The following NCKAP1 variants were observed in gnomAD, a reference collection of about 807,000 sequenced individuals.
NCKAP1 encodes the protein nck-associated protein 1.
In NCKAP1, 21 loss-of-function variants were observed where a neutral mutation model predicts 151.2. That is an observed-to-expected ratio of 0.14 (90% CI 0.10 to 0.20). The LOEUF (loss-of-function observed/expected upper bound fraction) is 0.20. Ranked by LOEUF, NCKAP1 falls within the 10% of genes least tolerant of loss-of-function variation. The pLI is 1.00. For synonymous variants in NCKAP1, 484 were observed against 451.8 expected (o/e 1.07, Z -0.90); for missense variants, 933 against 1,352.1 (o/e 0.69, Z 4.86).
Position 183,023,816 on chromosome 2 carries a change from C to T in NCKAP1, c.209G>A (p.Arg70His), listed in dbSNP as rs1698839369. 4 of 1,607,376 alleles carry T rather than the reference C, an allele frequency of 2.5e-6. No homozygotes were observed. Among genetic ancestry groups the T allele is most frequent in the African/African-American group, 1.3e-5 (1 of 74,630 alleles). Residue 70 changes from arginine (R) to histidine (H), a missense_variant, in exon 2 of 31, where the codon CGC (arginine) becomes CAC (histidine). Arg to His is a conservative substitution (Grantham distance 29). Around this residue, in one of 2 missense-constraint regions of NCKAP1, gnomAD observed 607 missense variants for 795.0 expected, o/e 0.76. Transcript: ENST00000361354. Reference protein sequence around the residue: ...IVRKFPAVETRNNNQQLAQLQ... With the variant: ...IVRKFPAVETHNNNQQLAQLQ... Reference sequence around the variant, plus strand: ...ATTTAGATAACTTACATTGTTGTTGCGGGTTTCTACAGCAGGGAATTTTCT... The same window carrying T: ...ATTTAGATAACTTACATTGTTGTTGTGGGTTTCTACAGCAGGGAATTTTCT...
At chr2:183,003,128 A>G in intron 3 of NCKAP1, 98 bp from the exon 4 acceptor site, 1 of 1,307,334 alleles carries the variant, frequency 7.6e-7, no homozygotes, top group Admixed American at 2.3e-5. Flanking sequence ...TCAGTTCTGG[A>G]AGAATTTCAA....
chr2:183,034,964 G>GC (rs1433290796), intron 1 of NCKAP1, among the ~76,000 whole-genome samples: 1 of 152,120 alleles, frequency 6.6e-6, no homozygotes, highest in Non-Finnish European at 1.5e-5. Flanking sequence ...AGATTGGAAT[G>GC]CAAGTCTCTT....
At chr2:182,970,467 A>T (rs1160783543) in intron 15 of NCKAP1, among the ~76,000 whole-genome samples, 1 of 152,254 alleles carries the variant, frequency 6.6e-6, no homozygotes, top group Non-Finnish European at 1.5e-5. Flanking sequence ...ACAAAACTGT[A>T]TAATTTTAAT....
Position 182,967,450 on chromosome 2 carries a change from G to GATA in NCKAP1, c.1483-92_1483-90dup, listed in dbSNP as rs1417471151. On this transcript the variant is annotated intron_variant, in intron 15 of 30. Transcript: ENST00000361354. ...TACAGGGGGAAAAGCATCACTGAAA[G>GATA]ATACTTAAACTATCTACTGTGACAC... The GATA allele has an allele frequency of 1.0e-5, 12 of 1,206,016 alleles. No individual in the cohort carries two copies. The African/African-American group carries it at 1.7e-4, about 17-fold the overall frequency. 74.7% of individuals were successfully genotyped at this position (1,206,016 alleles called of 1,614,324 possible).
chr2:183,037,979 G>C lies in NCKAP1; in HGVS notation c.108+13C>G. ...CGCCCGCCTCCGCCGCGGCCTCCCC[G>C]GCCCGTGCGCACCTTCTTGATGTTG... is the stretch of plus-strand genomic sequence containing the variant. On this transcript the variant is annotated intron_variant, in intron 1 of 30. Coordinates refer to ENST00000361354, the MANE Select transcript of NCKAP1 (RefSeq NM_013436.5). 3 of 1,569,548 alleles carry C rather than the reference G, an allele frequency of 1.9e-6. No individual in the cohort carries two copies. In the South Asian group the frequency reaches 3.4e-5, roughly 18 times the overall value.
intron 6 of NCKAP1, among the ~76,000 whole-genome samples, chr2:182,998,260 A>G (rs1371474450): frequency 2.0e-5 from 3 of 152,132 alleles, no homozygotes; most frequent in Admixed American, 2.0e-4. Context: ...TAAGAACTGG[A>G]ACAAGACAAG....
intron 15 of NCKAP1, 146 bp from the exon 16 acceptor site, chr2:182,967,507 T>C (rs1291589613): frequency 1.6e-5 from 11 of 697,984 alleles, no homozygotes; most frequent in Non-Finnish European, 2.6e-5. Context: ...TAGTTGTCTG[T>C]AGTGACCCTA....
chr2:183,024,026 G>C, intron 1 of NCKAP1, 110 bp from the exon 2 acceptor site: 1 of 861,742 alleles, frequency 1.2e-6, no homozygotes, highest in South Asian at 1.6e-5. Flanking sequence ...TTGGTGAGCA[G>C]GTGATAAAAT....
intron 15 of NCKAP1, among the ~76,000 whole-genome samples, chr2:182,971,837 T>G (rs1340065391): frequency 6.6e-6 from 1 of 152,140 alleles, no homozygotes; most frequent in African/African-American, 2.4e-5. Context: ...CAATAAATTG[T>G]GCTGAGAAAA....
chr2:182,963,771 G>GA (rs552377798), intron 17 of NCKAP1, among the ~76,000 whole-genome samples: 34 of 152,052 alleles, frequency 2.2e-4, no homozygotes, highest in Admixed American at 1.8e-3. Flanking sequence ...AAGTTTGGGA[G>GA]AAAAAAATCT....
intron 14 of NCKAP1, among the ~76,000 whole-genome samples, chr2:182,977,335 C>T (rs1021867342): frequency 4.0e-5 from 6 of 151,864 alleles, no homozygotes; most frequent in Admixed American, 2.6e-4. Flanking sequence ...ACTAAAAATA[C>T]AAAAATTAGC....
At chr2:182,948,467 A>G (rs1697151143) in intron 23 of NCKAP1, among the ~76,000 whole-genome samples, 1 of 152,202 alleles carries the variant, frequency 6.6e-6, no homozygotes. Flanking sequence ...ACTCCAAAAT[A>G]TAAGAGAGAA....
chr2:182,983,400 A>G lies in NCKAP1; in HGVS notation c.1005-18T>C. On this transcript the variant is annotated intron_variant, in intron 10 of 30. Transcript: ENST00000361354. ...TTGAACCACTATGGGGAAAGACACC[A>G]TAATAGTTTATCTGCTTCTACTAAA... The G allele has an allele frequency of 1.3e-6, 2 of 1,524,944 alleles. No homozygotes were observed. The highest frequency in any genetic ancestry group is 2.2e-5 in the East Asian group (1 of 44,450). The allele number at this position is 1,524,944 out of a possible 1,614,324, so 94.5% of individuals were successfully genotyped here. A position where few individuals can be genotyped will look rare whatever the true frequency, so the allele number is the denominator to read the frequency against.
intron 19 of NCKAP1, chr2:182,957,231 A>C: frequency 2.5e-6 from 1 of 405,626 alleles, no homozygotes; most frequent in Non-Finnish European, 4.2e-6. Context: ...TAGTATAAAA[A>C]GACAAATATC....
chr2:182,924,905 T>G lies in NCKAP1; in HGVS notation c.*797A>C. On this transcript the variant is annotated 3_prime_UTR_variant, in exon 31 of 31. Coordinates refer to ENST00000361354, the MANE Select transcript of NCKAP1 (RefSeq NM_013436.5). Reference sequence around the variant, plus strand: ...ATCGAAGTGTGATACAGTCTAGTGTTTATTTTATGTTATGGCAGGTACACT... The same window carrying G: ...ATCGAAGTGTGATACAGTCTAGTGTGTATTTTATGTTATGGCAGGTACACT... 1 of 152,004 alleles carries G rather than the reference T, an allele frequency of 6.6e-6. No individual in the cohort carries two copies. The highest frequency in any genetic ancestry group is 2.4e-5 in the African/African-American group (1 of 41,326). The allele number at this position is 152,004 out of a possible 1,614,324, so 9.4% of individuals were successfully genotyped here. A position where few individuals can be genotyped will look rare whatever the true frequency, so the allele number is the denominator to read the frequency against.
chr2:182,942,699 C>T (rs72886553), intron 23 of NCKAP1, among the ~76,000 whole-genome samples: 3,731 of 151,794 alleles, frequency 0.025, 73 homozygotes, highest in Non-Finnish European at 0.039. Context: ...CTATCTACTC[C>T]TCTTTCACAG....
Position 182,964,804 on chromosome 2 carries a change from A to T in NCKAP1, c.1633T>A (p.Tyr545Asn). 6.3e-7 allele frequency: 1 copy of T among 1,596,398 alleles called. No homozygotes were observed. Among genetic ancestry groups the T allele is most frequent in the Non-Finnish European group, 8.5e-7 (1 of 1,172,442 alleles). Residue 545 changes from tyrosine (Y) to asparagine (N), a missense_variant, in exon 17 of 31, where the codon TAT (tyrosine) becomes AAT (asparagine). Tyr to Asn is a moderately radical substitution (Grantham distance 143, BLOSUM62 -2). Transcript: ENST00000361354. The part of the protein sequence containing the change: ...ETSDLSIFCF[Y>N]SRAFEKMFQQ... The stretch of plus-strand genomic sequence containing the variant: ...AACATCTTCTCAAAAGCACGACTAT[A>T]AAAACTATATAAACAAAAATCAGAA...
At chr2:183,021,482 G>A (rs574233280) in intron 2 of NCKAP1, among the ~76,000 whole-genome samples, 46 of 152,188 alleles carry the variant, frequency 3.0e-4, no homozygotes, top group Admixed American at 9.8e-4. Context: ...ATGGTGGTGC[G>A]CACCTGTGGC....
At position 182,910,953 on chromosome 2, in the gene NCKAP1, C is replaced by T. The variant is rs971552679; in HGVS notation, c.*14749G>A. The T allele has an allele frequency of 6.8e-6, 1 of 146,790 alleles. No individual in the cohort carries two copies. The highest frequency in any genetic ancestry group is 2.4e-4 in the South Asian group (1 of 4,254). 9.1% of individuals were successfully genotyped at this position (146,790 alleles called of 1,614,324 possible). On this transcript the variant is annotated 3_prime_UTR_variant, in exon 31 of 31. Coordinates refer to ENST00000361354, the MANE Select transcript of NCKAP1 (RefSeq NM_013436.5). ...AAATAAAAATAAAATCCTAAGCTCCCCCCCCACATTTGACTAAACAGACCC... is the reference window on the plus strand; with the variant it reads ...AAATAAAAATAAAATCCTAAGCTCCTCCCCCACATTTGACTAAACAGACCC...
Sources: allele counts gnomAD v4.1 joint callset (sites outside exome capture counted in the v4.1 genomes callset), GRCh38; gene constraint gnomAD v4.1.1; regional missense constraint gnomAD v4.1.1; transcripts MANE v1.5; gene names NCBI Gene and HGNC (gene_info 2026-07-23, HGNC 2026-07-21).